The following TMTC2 variants were observed in gnomAD, a reference collection of about 807,000 sequenced individuals.
TMTC2 encodes the protein transmembrane O-mannosyltransferase targeting cadherins 2.
Under a neutral mutation model 82.4 loss-of-function variants are expected in TMTC2, and 43 were observed. The ratio of observed to expected loss-of-function variants is 0.52; its 90% CI spans 0.41 to 0.67. The LOEUF is 0.67. TMTC2 is among the 30% of genes least tolerant of loss of function. The probability of loss-of-function intolerance (pLI) is 0.00; values close to 1 mark genes in which losing one functional copy is unlikely to be tolerated. For missense variants in TMTC2, 919 were observed against 1,012.4 expected (o/e 0.91, Z 1.25); for synonymous variants, 408 against 381.9 (o/e 1.07, Z -0.80).
intron 3 of TMTC2, among the ~76,000 whole-genome samples, chr12:82,903,331 T>G (rs554447311): frequency 6.6e-6 from 1 of 152,258 alleles, no homozygotes; most frequent in Non-Finnish European, 1.5e-5. Context: ...TCTATAATTA[T>G]GTGTTCATTG....
chr12:82,933,733 C>T (rs1876166995), intron 4 of TMTC2, among the ~76,000 whole-genome samples: 2 of 152,156 alleles, frequency 1.3e-5, no homozygotes, highest in African/African-American at 4.8e-5. Flanking sequence ...TCGTAAGCTT[C>T]TGTTAGGCCC....
chr12:83,000,994 G>A (rs921934375), intron 8 of TMTC2, among the ~76,000 whole-genome samples: 10 of 152,092 alleles, frequency 6.6e-5, no homozygotes, highest in African/African-American at 2.2e-4. Flanking sequence ...ATAGGACATA[G>A]GACACCAACT....
intron 1 of TMTC2, among the ~76,000 whole-genome samples, chr12:82,729,719 A>C (rs1400899145): frequency 6.6e-6 from 1 of 152,232 alleles, no homozygotes; most frequent in African/African-American, 2.4e-5. Flanking sequence ...ATAGAATAAA[A>C]GCAGGCTGCC....
intron 1 of TMTC2, among the ~76,000 whole-genome samples, chr12:82,757,054 C>T (rs1876367673): frequency 6.6e-6 from 1 of 152,170 alleles, no homozygotes; most frequent in Admixed American, 6.5e-5. Flanking sequence ...CTGGTATTCT[C>T]AGATTTGACA....
intron 1 of TMTC2, chr12:82,690,237 C>A: frequency 2.9e-6 from 1 of 339,858 alleles, no homozygotes; most frequent in African/African-American, 2.2e-5. Context: ...ATTTCCGCTA[C>A]TACATTTCAG....
chr12:83,013,639 T>G (rs1435217688), intron 8 of TMTC2, among the ~76,000 whole-genome samples: 1 of 152,220 alleles, frequency 6.6e-6, no homozygotes. Context: ...AGCCATTTAA[T>G]TTGAGGAAAG....
chr12:83,015,231 C>T (rs917213932), intron 8 of TMTC2, among the ~76,000 whole-genome samples: 2 of 152,182 alleles, frequency 1.3e-5, no homozygotes, highest in Non-Finnish European at 2.9e-5. Flanking sequence ...AATGTGTACA[C>T]GAATACCATT....
chr12:83,126,860 T>A (rs191241967), intron 11 of TMTC2, among the ~76,000 whole-genome samples: 1 of 152,274 alleles, frequency 6.6e-6, no homozygotes, highest in Admixed American at 6.5e-5. Flanking sequence ...ATTTATTAAA[T>A]ATCTGCCATG....
intron 1 of TMTC2, among the ~76,000 whole-genome samples, chr12:82,732,406 G>A (rs1037318645): frequency 4.6e-5 from 7 of 151,820 alleles, no homozygotes; most frequent in East Asian, 1.9e-4. Flanking sequence ...GCAGTGGCGC[G>A]ATCTCGGCTC....
At chr12:82,827,097 T>C (rs1171144273) in intron 1 of TMTC2, among the ~76,000 whole-genome samples, 1 of 152,124 alleles carries the variant, frequency 6.6e-6, no homozygotes, top group Admixed American at 6.6e-5. Flanking sequence ...TGTGGAGAAA[T>C]TGTAATATGG....
At chr12:82,928,376 TATTA>T (rs999285228) in intron 3 of TMTC2, among the ~76,000 whole-genome samples, 4 of 152,196 alleles carry the variant, frequency 2.6e-5, no homozygotes, top group African/African-American at 9.6e-5. Flanking sequence ...AGGGATATCT[TATTA>T]ATTTGTGGTA....
intron 8 of TMTC2, among the ~76,000 whole-genome samples, chr12:83,013,735 G>A (rs7304548): frequency 0.79 from 120,064 of 151,856 alleles, 48,257 homozygotes; most frequent in South Asian, 0.93. Context: ...TTTGTATACT[G>A]CAATATTCGA....
chr12:82,706,514 G>A (rs1873364600), intron 1 of TMTC2, among the ~76,000 whole-genome samples: 2 of 152,032 alleles, frequency 1.3e-5, no homozygotes, highest in African/African-American at 4.8e-5. Context: ...TTAAACAATT[G>A]TCTGAAGTGG....
chr12:82,854,964 TAAC>T (rs1477415813), intron 1 of TMTC2, among the ~76,000 whole-genome samples: 1 of 152,184 alleles, frequency 6.6e-6, no homozygotes, highest in African/African-American at 2.4e-5. Context: ...TATATAATAA[TAAC>T]AGCGCAGCTA....
At chr12:83,078,553 G>T (rs897055752) in intron 11 of TMTC2, among the ~76,000 whole-genome samples, 1 of 152,086 alleles carries the variant, frequency 6.6e-6, no homozygotes, top group Admixed American at 6.6e-5. Context: ...TATTTTCTTA[G>T]ATACCAAATG....
At chr12:82,824,029 A>G (rs1565766610) in intron 1 of TMTC2, among the ~76,000 whole-genome samples, 1 of 151,670 alleles carries the variant, frequency 6.6e-6, no homozygotes, top group Non-Finnish European at 1.5e-5. Context: ...AAGTAGCTGG[A>G]ATTGCAGGCG....
intron 9 of TMTC2, 76 bp downstream of exon 9, chr12:83,030,955 G>A: frequency 5.4e-6 from 6 of 1,101,248 alleles, no homozygotes; most frequent in Non-Finnish European, 5.5e-6. Flanking sequence ...GGCTTTGCTG[G>A]CAAAGAACAT....
intron 1 of TMTC2, among the ~76,000 whole-genome samples, chr12:82,745,495 C>G (rs995091867): frequency 6.6e-6 from 1 of 152,128 alleles, no homozygotes; most frequent in Non-Finnish European, 1.5e-5. Context: ...GTTGTAAATG[C>G]CACAGTGTTG....
At chr12:83,049,919 T>C (rs1481166483) in intron 9 of TMTC2, among the ~76,000 whole-genome samples, 1 of 152,222 alleles carries the variant, frequency 6.6e-6, no homozygotes, top group African/African-American at 2.4e-5. Flanking sequence ...ATTAGGGATA[T>C]TGAGCATTTT....
Sources: allele counts gnomAD v4.1 joint callset (sites outside exome capture counted in the v4.1 genomes callset), GRCh38; gene constraint gnomAD v4.1.1; transcripts MANE v1.5; gene names NCBI Gene and HGNC (gene_info 2026-07-23, HGNC 2026-07-21).